Variants in HAAO observed in about 807,000 individuals in gnomAD.
The protein encoded by HAAO is 3-hydroxyanthranilate 3,4-dioxygenase, also known as 3-hydroxyanthranilate oxygenase.
Under a neutral mutation model 46.2 loss-of-function variants are expected in HAAO, and 49 were observed. That is an observed-to-expected ratio of 1.06 (90% CI 0.84 to 1.34). HAAO has a LOEUF of 1.34. Ranked by LOEUF, HAAO falls within the 40% of genes most tolerant of loss-of-function variation. The pLI is 0.00. For synonymous variants in HAAO, 157 were observed against 145.2 expected, an observed-to-expected ratio of 1.08 and a Z score of -0.58; for missense variants, 408 against 364.5, an observed-to-expected ratio of 1.12 and a Z score of -0.97.
intron 4 of HAAO, among the ~76,000 whole-genome samples, chr2:42,777,303 C>CAAAA (rs1215772853): frequency 3.7e-3 from 140 of 38,220 alleles, no homozygotes; most frequent in East Asian, 9.4e-3. Context: ...ACTCTTATCG[C>CAAAA]AAAAAAAAAA....
intron 4 of HAAO, among the ~76,000 whole-genome samples, chr2:42,779,955 A>C (rs1412530235): frequency 6.6e-6 from 1 of 152,182 alleles, no homozygotes; most frequent in Non-Finnish European, 1.5e-5. Flanking sequence ...ATTTGTATAA[A>C]TATATTATTG....
intron 4 of HAAO, among the ~76,000 whole-genome samples, chr2:42,777,852 A>G (rs1047263780): frequency 7.9e-5 from 12 of 152,176 alleles, no homozygotes; most frequent in African/African-American, 2.9e-4. Context: ...GAACCATTTT[A>G]TCTAATTTAA....
At chr2:42,788,678 G>A (rs536670904) in intron 1 of HAAO, 71 bp from the exon 2 acceptor site, 30 of 985,074 alleles carry the variant, frequency 3.0e-5, no homozygotes, top group Admixed American at 5.1e-5. Context: ...GGTCCCGTGG[G>A]GGCCAGGAGG....
intron 2 of HAAO, among the ~76,000 whole-genome samples, chr2:42,786,922 T>A (rs923000277): frequency 6.6e-6 from 1 of 152,118 alleles, no homozygotes; most frequent in Non-Finnish European, 1.5e-5. Context: ...GTTACGCCAC[T>A]TCCACAGCGC....
intron 4 of HAAO, among the ~76,000 whole-genome samples, chr2:42,774,682 G>T (rs979136415): frequency 2.0e-5 from 3 of 152,094 alleles, no homozygotes; most frequent in Admixed American, 6.6e-5. Context: ...TGAACTGGGG[G>T]TTTGTTTTGG....
intron 5 of HAAO, 71 bp downstream of exon 5, chr2:42,770,422 T>TCCC: frequency 8.6e-7 from 1 of 1,168,626 alleles, no homozygotes; most frequent in Non-Finnish European, 1.2e-6. Context: ...GGGGAGACTT[T>TCCC]CTCCCAGGGC....
chr2:42,790,671 A>G (rs1672728176), intron 1 of HAAO, among the ~76,000 whole-genome samples: 1 of 151,954 alleles, frequency 6.6e-6, no homozygotes, highest in Admixed American at 6.6e-5. Flanking sequence ...AGCTGGGACT[A>G]CAGGCGCGTG....
rs1188537240 is a variant in HAAO at position 42,790,588 on chromosome 2, G to T, written c.80+1869C>A. Among the ~76,000 whole-genome samples the T allele has an allele frequency of 7.9e-5, 12 of 151,242 alleles. No homozygotes were observed. The East Asian group carries it at 2.0e-3, about 25-fold the overall frequency. On this transcript the variant is annotated intron_variant, in intron 1 of 9. Coordinates refer to ENST00000294973, the MANE Select transcript of HAAO (RefSeq NM_012205.3). ...TGCTTGCCACCCAGGCTGGAATGCA[G>T]TGGCACAACTTCGGCTCAGTGCAGC...
At chr2:42,782,161 C>G (rs1342958677) in intron 4 of HAAO, among the ~76,000 whole-genome samples, 1 of 151,754 alleles carries the variant, frequency 6.6e-6, no homozygotes. Context: ...TTTGTTTTTC[C>G]TAACTTGGAG....
At chr2:42,774,318 C>T (rs1671376625) in intron 4 of HAAO, among the ~76,000 whole-genome samples, 1 of 152,058 alleles carries the variant, frequency 6.6e-6, no homozygotes, top group Admixed American at 6.5e-5. Flanking sequence ...GTGGAGGTGC[C>T]CCTGACCTTA....
intron 7 of HAAO, 106 bp downstream of exon 7, chr2:42,769,607 G>A (rs1393116155): frequency 1.4e-6 from 1 of 733,938 alleles, no homozygotes; most frequent in Non-Finnish European, 2.1e-6. Context: ...GTGTGTGTGA[G>A]TGTGTGTGTG....
At chr2:42,777,058 T>C (rs1049597896) in intron 4 of HAAO, among the ~76,000 whole-genome samples, 1 of 151,558 alleles carries the variant, frequency 6.6e-6, no homozygotes, top group Admixed American at 6.6e-5. Flanking sequence ...TCCCAGCACT[T>C]TGGGAGGCCG....
rs551938707 is a variant in HAAO, at chr2:42,782,538, A to T, written c.350+776T>A. ...AATTTCTTCTAAAATGCTTTCTCCA[A>T]AAGATTTTAAAAAAGAAAAGGGGGA... On this transcript the variant is annotated intron_variant, in intron 4 of 9. Coordinates refer to ENST00000294973, the MANE Select transcript of HAAO (RefSeq NM_012205.3). Among the ~76,000 whole-genome samples, 4 of 152,340 alleles carry T rather than the reference A, an allele frequency of 2.6e-5. No homozygotes were observed. The East Asian group carries it at 7.7e-4, about 29-fold the overall frequency.
chr2:42,773,111 C>T (rs914451596), intron 4 of HAAO, among the ~76,000 whole-genome samples: 2 of 152,224 alleles, frequency 1.3e-5, no homozygotes, highest in Non-Finnish European at 2.9e-5. Context: ...TTTTCTTCCC[C>T]TCTTTGGTGT....
intron 2 of HAAO, among the ~76,000 whole-genome samples, chr2:42,784,924 C>G (rs750614746): frequency 9.2e-5 from 14 of 152,188 alleles, no homozygotes; most frequent in Non-Finnish European, 1.8e-4. Context: ...CTAGGTGAAT[C>G]CAGATAGCTG....
At chr2:42,786,007 C>CTGTG (rs1558674524) in intron 2 of HAAO, among the ~76,000 whole-genome samples, 2 of 118,836 alleles carry the variant, frequency 1.7e-5, no homozygotes, top group African/African-American at 6.7e-5. Flanking sequence ...GGGAGGAAGC[C>CTGTG]TCTGTGTGTG....
intron 1 of HAAO, among the ~76,000 whole-genome samples, chr2:42,789,755 A>G (rs1440643932): frequency 6.6e-6 from 1 of 152,138 alleles, no homozygotes; most frequent in Non-Finnish European, 1.5e-5. Context: ...AGGGTTCCCA[A>G]ACTCCTCAGT....
At chr2:42,776,566 C>T (rs1351572578) in intron 4 of HAAO, among the ~76,000 whole-genome samples, 2 of 151,008 alleles carry the variant, frequency 1.3e-5, no homozygotes, top group Non-Finnish European at 3.0e-5. Context: ...CCCTCTAGCA[C>T]CATCCGACTT....
intron 2 of HAAO, among the ~76,000 whole-genome samples, chr2:42,785,444 A>C (rs1309590931): frequency 6.6e-6 from 1 of 152,262 alleles, no homozygotes; most frequent in Non-Finnish European, 1.5e-5. Context: ...GTTTGTAGCA[A>C]TACAAATATA....
Sources: allele counts gnomAD v4.1 joint callset (sites outside exome capture counted in the v4.1 genomes callset), GRCh38; gene constraint gnomAD v4.1.1; transcripts MANE v1.5; gene names NCBI Gene and HGNC (gene_info 2026-07-23, HGNC 2026-07-21).